Variants in TUBA3D observed in about 807,000 individuals in gnomAD.
The protein encoded by TUBA3D is tubulin alpha-3D chain.
A neutral mutation model predicts 36.1 loss-of-function variants in TUBA3D; 24 were observed. That is an observed-to-expected ratio of 0.66 (90% CI 0.48 to 0.93). TUBA3D has a LOEUF of 0.93. TUBA3D is among the 40% of genes least tolerant of loss of function. TUBA3D has a pLI of 0.00. For missense variants in TUBA3D, 356 were observed against 614.5 expected, an observed-to-expected ratio of 0.58 and a Z score of 4.45; for synonymous variants, 185 against 247.2, an observed-to-expected ratio of 0.75 and a Z score of 2.36.
chr2:131,480,531 A>C lies in TUBA3D; in HGVS notation c.838A>C (p.Lys280Gln). ...CTATGCCCCAGTCATCTCAGCTGAG[A>C]AGGCCTACCACGAGCAGCTGTCTGT... ...ATYAPVISAE[K>Q]AYHEQLSVAE... The change falls in exon 4 of 5, where the codon AAG becomes CAG. Residue 280 changes from lysine (K) to glutamine (Q), a missense_variant. Coordinates refer to ENST00000321253, the MANE Select transcript of TUBA3D (RefSeq NM_080386.4). The C allele has an allele frequency of 6.2e-7, 1 of 1,606,146 alleles. No individual in the cohort carries two copies. The highest frequency in any genetic ancestry group is 8.5e-7 in the Non-Finnish European group (1 of 1,178,652).
intron 1 of TUBA3D, among the ~76,000 whole-genome samples, chr2:131,476,544 C>G (rs1357687320): frequency 5.9e-5 from 9 of 152,164 alleles, no homozygotes; most frequent in Non-Finnish European, 8.8e-5. Flanking sequence ...CTGAGGAGCC[C>G]CAGGAGCCTT....
chr2:131,481,177 T>G (rs1170288387), intron 4 of TUBA3D, among the ~76,000 whole-genome samples: 3 of 152,178 alleles, frequency 2.0e-5, no homozygotes, highest in South Asian at 2.1e-4. Flanking sequence ...GTGCTGGGAT[T>G]ACAGTCGTGA....
chr2:131,479,610 C>T (rs1273647224), intron 3 of TUBA3D, among the ~76,000 whole-genome samples, 154 bp downstream of exon 3: 3 of 152,008 alleles, frequency 2.0e-5, no homozygotes, highest in Non-Finnish European at 4.4e-5. Flanking sequence ...GAGGCTAAAG[C>T]GGGTGGATTA....
intron 4 of TUBA3D, 43 bp downstream of exon 4, chr2:131,480,792 G>A (rs1370765685): frequency 8.9e-6 from 14 of 1,568,480 alleles, no homozygotes; most frequent in Non-Finnish European, 1.1e-5. Context: ...AGCAGCAGAT[G>A]CACAAAATAA....
At chr2:131,479,237 A>C (rs1678768595) in intron 2 of TUBA3D, 71 bp from the exon 3 acceptor site, 22 of 1,554,386 alleles carry the variant, frequency 1.4e-5, no homozygotes, top group Non-Finnish European at 1.8e-5. Context: ...AGAAGTGAAC[A>C]CTCCTGGAAT....
At position 131,479,442 on chromosome 2, in the gene TUBA3D, C is replaced by T. The variant is rs746568321; in HGVS notation, c.361C>T (p.Arg121Trp). 55 of 1,613,968 alleles carry T rather than the reference C, an allele frequency of 3.4e-5. 1 individual carries two copies. The highest frequency in any genetic ancestry group is 3.3e-4 in the South Asian group (30 of 91,072). ...GKEIVDLVLD[R>W]IRKLADLCTG... ...GGAGATTGTTGACCTAGTCCTGGAC[C>T]GGATCCGCAAACTGGTAAGAAGAGA... The change falls in exon 3 of 5, where the codon CGG becomes TGG. Residue 121 changes from arginine (R) to tryptophan (W), a missense_variant. Transcript: ENST00000321253.
chr2:131,476,273 C>A, intron 1 of TUBA3D, 71 bp downstream of exon 1: 3 of 1,611,084 alleles, frequency 1.9e-6, no homozygotes, highest in Non-Finnish European at 2.5e-6. Context: ...GACAGAGGGA[C>A]GTTGTTGCGG....
chr2:131,478,099 T>G, intron 1 of TUBA3D, 65 bp from the exon 2 acceptor site: 2 of 1,561,258 alleles, frequency 1.3e-6, no homozygotes, highest in African/African-American at 2.7e-5. Context: ...TAGAATATTT[T>G]GCATGCCATA....
chr2:131,481,060 C>T (rs553725092), intron 4 of TUBA3D, among the ~76,000 whole-genome samples: 2 of 151,914 alleles, frequency 1.3e-5, no homozygotes, highest in Non-Finnish European at 2.9e-5. Flanking sequence ...CCCGCTACCA[C>T]GCCCGGCTAA....
intron 2 of TUBA3D, 147 bp downstream of exon 2, chr2:131,478,533 G>A: frequency 1.4e-6 from 2 of 1,403,620 alleles, no homozygotes; most frequent in South Asian, 3.0e-5. Context: ...GAAACTGAAA[G>A]GTTCGTGATC....
chr2:131,479,484 T>C, intron 3 of TUBA3D, 28 bp downstream of exon 3: 1 of 1,606,050 alleles, frequency 6.2e-7, no homozygotes, highest in Admixed American at 1.7e-5. Flanking sequence ...CATGTGGCCA[T>C]TTTCTTGCAT....
Position 131,482,863 on chromosome 2 carries a change from G to C in TUBA3D, c.*15G>C, listed in dbSNP as rs778304916. ...AAGAATACTGAGGGGAGGGTGTGGT[G>C]GGTTCTCCCCTGCCACCCCCGGGAT... is the stretch of plus-strand genomic sequence containing the variant. On this transcript the variant is annotated 3_prime_UTR_variant, in exon 5 of 5. Transcript: ENST00000321253. The C allele has an allele frequency of 6.2e-7, 1 of 1,609,088 alleles. No homozygotes were observed. Among genetic ancestry groups the C allele is most frequent in the Admixed American group, 1.7e-5 (1 of 59,898 alleles).
Position 131,476,147 on chromosome 2 carries a change from G to C in TUBA3D, c.-53G>C. On this transcript the variant is annotated 5_prime_UTR_variant, in exon 1 of 5. Coordinates refer to ENST00000321253, the MANE Select transcript of TUBA3D (RefSeq NM_080386.4). ...TTGCAGTTGGGCGCTCAGCAGCTGT[G>C]GCAGCCGGTTGAGGTCTGGCAGTAG... 1 of 1,613,196 alleles carries C rather than the reference G, an allele frequency of 6.2e-7. No homozygotes were observed. The highest frequency in any genetic ancestry group is 8.5e-7 in the Non-Finnish European group (1 of 1,179,834).
chr2:131,478,535 T>A (rs964140595), intron 2 of TUBA3D, 149 bp downstream of exon 2: 4 of 1,405,324 alleles, frequency 2.8e-6, no homozygotes, highest in Non-Finnish European at 9.4e-7. Context: ...AACTGAAAGG[T>A]TCGTGATCAA....
At chr2:131,476,473 G>A (rs935581450) in intron 1 of TUBA3D, among the ~76,000 whole-genome samples, 2 of 152,172 alleles carry the variant, frequency 1.3e-5, no homozygotes, top group Non-Finnish European at 2.9e-5. Context: ...TAGTGGCGTC[G>A]CCTCCTGAAG....
At chr2:131,482,182 C>A (rs1331933230) in intron 4 of TUBA3D, among the ~76,000 whole-genome samples, 1 of 152,198 alleles carries the variant, frequency 6.6e-6, no homozygotes, top group Non-Finnish European at 1.5e-5. Context: ...GTTGTGTACT[C>A]TGAATCTATC....
intron 1 of TUBA3D, among the ~76,000 whole-genome samples, chr2:131,476,863 AC>A (rs1678689025): frequency 1.3e-5 from 2 of 149,464 alleles, no homozygotes; most frequent in Admixed American, 1.3e-4. Flanking sequence ...CGAGCCTGGA[AC>A]TTTGAGGCTG....
Position 131,482,688 on chromosome 2 carries a change from T to G in TUBA3D, c.1193T>G (p.Met398Arg). Residue 398 changes from methionine (M) to arginine (R), a missense_variant, in exon 5 of 5, where the codon ATG becomes AGG. Coordinates refer to ENST00000321253, the MANE Select transcript of TUBA3D (RefSeq NM_080386.4). ...WARLDHKFDL[M>R]YAKRAFVHWY... ...CGCCTGGACCATAAGTTCGATCTCA[T>G]GTATGCCAAGCGGGCCTTTGTGCAC... 1.9e-6 allele frequency: 3 copies of G among 1,614,098 alleles called. No homozygotes were observed. Among genetic ancestry groups the G allele is most frequent in the Non-Finnish European group, 2.5e-6 (3 of 1,180,020 alleles).
chr2:131,476,340 G>T, intron 1 of TUBA3D, 138 bp downstream of exon 1: 1 of 1,465,116 alleles, frequency 6.8e-7, no homozygotes, highest in Non-Finnish European at 9.2e-7. Context: ...GGGACAGGAG[G>T]ACACGGGATC....
Sources: gnomAD v4.1 joint callset for allele counts (sites outside exome capture counted in the v4.1 genomes callset) on GRCh38, gnomAD v4.1.1 for gene constraint, MANE v1.5 for transcripts, NCBI Gene and HGNC (gene_info 2026-07-23, HGNC 2026-07-21) for gene names.